Variants in RAB3IP observed in about 807,000 individuals in gnomAD.
The protein encoded by RAB3IP is RAB3A interacting protein, also known as rab-3A-interacting protein.
A neutral mutation model predicts 59.1 loss-of-function variants in RAB3IP; 36 were observed. The observed-to-expected ratio is 0.61, with a 90% CI of 0.47 to 0.80. RAB3IP has a LOEUF of 0.80. Among genes scored for constraint, RAB3IP ranks in the 30% least tolerant of loss-of-function variants. The pLI is 0.00. For synonymous variants in RAB3IP, 207 were observed against 191.2 expected, an observed-to-expected ratio of 1.08 and a Z score of -0.68; for missense variants, 511 against 536.0, an observed-to-expected ratio of 0.95 and a Z score of 0.46.
At position 69,819,223 on chromosome 12, in the gene RAB3IP, AAG is replaced by A. The variant is rs1881449876; in HGVS notation, c.*3779_*3780del. 1 of 152,232 alleles carries A rather than the reference AAG, an allele frequency of 6.6e-6. No homozygotes were observed. The highest frequency in any genetic ancestry group is 6.5e-5 in the Admixed American group (1 of 15,286). The allele number at this position is 152,232 out of a possible 1,614,324, so 9.4% of individuals were successfully genotyped here. A position where few individuals can be genotyped will look rare whatever the true frequency, so the allele number is the denominator to read the frequency against. ...CATTCCAAAACAAAAAATAAAAGGT[AAG>A]AAAATTGTTGAATTGCATTTGAGAG... On this transcript the variant is annotated 3_prime_UTR_variant, in exon 11 of 11. Coordinates refer to ENST00000247833, the MANE Select transcript of RAB3IP (RefSeq NM_022456.5).
In RAB3IP at chr12:69,742,107, A is replaced by C. The variant is rs76034503; in HGVS notation, c.-26+3076A>C. ...GAACGCACTTTACATATTTTAATGA[A>C]TGTCAACTAAGACAAAGTGCTAGGA... On this transcript the variant is annotated intron_variant, in intron 1 of 10. Coordinates refer to ENST00000247833, the MANE Select transcript of RAB3IP (RefSeq NM_022456.5). 6.0e-3 allele frequency among the ~76,000 whole-genome samples: 907 copies of C among 152,336 alleles called. 10 individuals carry two copies. Among genetic ancestry groups the C allele is most frequent in the African/African-American group, 0.021 (864 of 41,574 alleles).
intron 8 of RAB3IP, among the ~76,000 whole-genome samples, chr12:69,805,023 T>C (rs1879024102): frequency 6.6e-6 from 1 of 152,230 alleles, no homozygotes; most frequent in African/African-American, 2.4e-5. Context: ...TTTTTTCCAA[T>C]TCTGTGAAGA....
At chr12:69,781,891 A>C (rs2136196959) in intron 3 of RAB3IP, among the ~76,000 whole-genome samples, 1 of 152,344 alleles carries the variant, frequency 6.6e-6, no homozygotes, top group Non-Finnish European at 1.5e-5. Context: ...AAATACCAAC[A>C]AGTGTGATCG....
At chr12:69,797,160 A>G (rs993440521) in intron 6 of RAB3IP, among the ~76,000 whole-genome samples, 1 of 152,230 alleles carries the variant, frequency 6.6e-6, no homozygotes, top group African/African-American at 2.4e-5. Flanking sequence ...CATTAGCAAC[A>G]TGTCTTCTGT....
intron 3 of RAB3IP, among the ~76,000 whole-genome samples, chr12:69,768,576 G>A (rs1208660883): frequency 2.0e-5 from 3 of 152,178 alleles, no homozygotes; most frequent in Non-Finnish European, 4.4e-5. Flanking sequence ...GGTGGAGTGA[G>A]AGGACTCCAC....
rs373112558 is a variant in RAB3IP, at chr12:69,815,684, C to CAA, written c.*251_*252dup. 694 of 212,000 alleles carry CAA rather than the reference C, an allele frequency of 3.3e-3. No homozygotes were observed. Among genetic ancestry groups the CAA allele is most frequent in the African/African-American group, 9.7e-3 (341 of 35,120 alleles). 13.1% of individuals were successfully genotyped at this position (212,000 alleles called of 1,614,324 possible). On this transcript the variant is annotated 3_prime_UTR_variant, in exon 11 of 11. Coordinates refer to ENST00000247833, the MANE Select transcript of RAB3IP (RefSeq NM_022456.5). ...ACTAGTGAATGTAATTTATAGTTGC[C>CAA]AAAAAAAAAAAAAACCTGAAATAAA...
chr12:69,749,627 A>T, intron 1 of RAB3IP, among the ~76,000 whole-genome samples: 1 of 152,340 alleles, frequency 6.6e-6, no homozygotes, highest in East Asian at 1.9e-4. Context: ...GTTTTGTATA[A>T]ATGCTTTGCT....
chr12:69,767,175 CCTTT>C (rs911334536), intron 3 of RAB3IP, among the ~76,000 whole-genome samples: 3 of 151,198 alleles, frequency 2.0e-5, no homozygotes, highest in African/African-American at 7.3e-5. Context: ...TTTTTCTTTT[CCTTT>C]CTTTTCCTCC....
intron 6 of RAB3IP, chr12:69,796,550 G>A (rs563199896): frequency 1.8e-5 from 9 of 491,672 alleles, no homozygotes; most frequent in Non-Finnish European, 2.9e-5. Context: ...TTAAATTTTT[G>A]TATGGAAGCC....
chr12:69,783,348 T>TTATTTTCTCTCTCTAG (rs1237187476), intron 3 of RAB3IP, among the ~76,000 whole-genome samples: 5 of 152,240 alleles, frequency 3.3e-5, no homozygotes, highest in African/African-American at 4.8e-5. Flanking sequence ...CATAGGATAC[T>TTATTTTCTCTCTCTAG]TATTTTCTCT....
intron 6 of RAB3IP, among the ~76,000 whole-genome samples, chr12:69,799,762 A>G (rs1878085091): frequency 6.6e-6 from 1 of 152,128 alleles, no homozygotes; most frequent in African/African-American, 2.4e-5. Flanking sequence ...CAGACACTAT[A>G]ATTAATTAGG....
upstream of RAB3IP, chr12:69,738,265 G>GT (rs1483063562): frequency 3.3e-5 from 5 of 151,836 alleles, no homozygotes; most frequent in East Asian, 9.6e-4. Context: ...GGCTCTTTCT[G>GT]TATTTTTCCT....
rs1463560556 is a variant in RAB3IP at position 69,817,843 on chromosome 12, ATAGCT to A, written c.*2401_*2405del. 1 of 152,136 alleles carries A rather than the reference ATAGCT, an allele frequency of 6.6e-6. No individual in the cohort carries two copies. Among genetic ancestry groups the A allele is most frequent in the Non-Finnish European group, 1.5e-5 (1 of 68,022 alleles). 9.4% of individuals were successfully genotyped at this position (152,136 alleles called of 1,614,324 possible). On this transcript the variant is annotated 3_prime_UTR_variant, in exon 11 of 11. Coordinates refer to ENST00000247833, the MANE Select transcript of RAB3IP (RefSeq NM_022456.5). ...ATATCTGCAACATTTATAACTAGTA[ATAGCT>A]TAGTATCAAGAATGTATGCAGAAAT...
intron 6 of RAB3IP, among the ~76,000 whole-genome samples, chr12:69,799,354 T>C (rs146995380): frequency 1.3e-5 from 2 of 152,330 alleles, no homozygotes; most frequent in African/African-American, 4.8e-5. Context: ...TTTGGGTGGC[T>C]GATGTCAGTG....
At chr12:69,803,120 T>A (rs535725596) in intron 8 of RAB3IP, among the ~76,000 whole-genome samples, 1 of 152,284 alleles carries the variant, frequency 6.6e-6, no homozygotes, top group African/African-American at 2.4e-5. Context: ...ATATATCACA[T>A]ATATATGTGC....
chr12:69,820,553 GA>G lies in RAB3IP; in HGVS notation c.*5128del, dbSNP rs34028619. The G allele has an allele frequency of 0.26, 25,867 of 99,318 alleles. 2,403 individuals are homozygous for G. Among genetic ancestry groups the G allele is most frequent in the Middle Eastern group, 0.33 (57 of 174 alleles). 6.2% of individuals were successfully genotyped at this position (99,318 alleles called of 1,614,324 possible). A position where few individuals can be genotyped will look rare whatever the true frequency, so the allele number is the denominator to read the frequency against. On this transcript the variant is annotated 3_prime_UTR_variant, in exon 11 of 11. Transcript: ENST00000247833. ...TTTGAGTGGCTTCCCATTGCACTTA[GA>G]AAAAAAAAAAAAAAAAAAAACTGGC...
chr12:69,757,807 T>C (rs958629456), intron 3 of RAB3IP, among the ~76,000 whole-genome samples: 1 of 152,210 alleles, frequency 6.6e-6, no homozygotes, highest in African/African-American at 2.4e-5. Flanking sequence ...GTTGTCTTAA[T>C]AGATAGTATT....
chr12:69,800,258 C>T lies in RAB3IP; in HGVS notation c.938C>T (p.Thr313Ile). ...NEFRLWKDEP[T>I]MDRTCPFLDK... ...TTCCGATTGTGGAAGGATGAGCCCA[C>T]AATGGACAGGACGTGTCCTTTCTTA... The change falls in exon 7 of 11, where the codon ACA becomes ATA. Residue 313 changes from threonine to isoleucine, a missense_variant. Transcript: ENST00000247833. 7.5e-6 allele frequency: 12 copies of T among 1,592,442 alleles called. No individual in the cohort carries two copies. The highest frequency in any genetic ancestry group is 1.0e-5 in the Non-Finnish European group (12 of 1,170,392).
intron 3 of RAB3IP, among the ~76,000 whole-genome samples, chr12:69,780,345 C>T (rs1874476728): frequency 6.6e-6 from 1 of 152,142 alleles, no homozygotes; most frequent in Admixed American, 6.5e-5. Context: ...TCCATGCTTC[C>T]CAGTAATTTC....
Sources: gnomAD v4.1 joint callset for allele counts (sites outside exome capture counted in the v4.1 genomes callset) on GRCh38, gnomAD v4.1.1 for gene constraint, MANE v1.5 for transcripts, NCBI Gene and HGNC (gene_info 2026-07-23, HGNC 2026-07-21) for gene names.